UBP1: variants seen among roughly 807,000 people sequenced by gnomAD.
UBP1 encodes the protein upstream-binding protein 1.
Under a neutral mutation model 76.1 loss-of-function variants are expected in UBP1, and 22 were observed. The observed-to-expected ratio is 0.29, with a 90% CI of 0.21 to 0.41. The LOEUF (loss-of-function observed/expected upper bound fraction) is 0.41. Ranked by LOEUF, UBP1 falls within the 10% of genes least tolerant of loss-of-function variation. The probability of loss-of-function intolerance (pLI) is 1.00; values close to 1 mark genes in which losing one functional copy is unlikely to be tolerated. For synonymous variants in UBP1, 224 were observed against 237.1 expected (o/e 0.94, Z 0.51); for missense variants, 436 against 668.1 (o/e 0.65, Z 3.83).
chr3:33,421,461 G>T (rs1175438327), intron 2 of UBP1, among the ~76,000 whole-genome samples: 1 of 152,046 alleles, frequency 6.6e-6, no homozygotes, highest in Non-Finnish European at 1.5e-5. Flanking sequence ...CAGTAGAGAT[G>T]GTTTCACCAC....
chr3:33,416,653 A>G (rs1425259413), intron 3 of UBP1, 105 bp downstream of exon 3: 8 of 866,928 alleles, frequency 9.2e-6, no homozygotes, highest in Non-Finnish European at 1.4e-5. Context: ...ATAAAGTTAA[A>G]AAGTTGTAAT....
intron 8 of UBP1, among the ~76,000 whole-genome samples, chr3:33,407,742 C>T (rs577670277): frequency 6.6e-5 from 10 of 152,186 alleles, no homozygotes; most frequent in South Asian, 4.1e-4. Context: ...ACAGCAATTG[C>T]GATATGTGTA....
At chr3:33,390,574 G>A (rs1291554111) in intron 15 of UBP1, 4 of 603,644 alleles carry the variant, frequency 6.6e-6, no homozygotes, top group Admixed American at 3.0e-5. Flanking sequence ...GACATTCTGC[G>A]AAGCCTGGCC....
At chr3:33,411,519 T>G in intron 5 of UBP1, 62 bp downstream of exon 5, 2 of 1,410,564 alleles carry the variant, frequency 1.4e-6, no homozygotes, top group South Asian at 2.3e-5. Context: ...TATCAAAAAT[T>G]CAATCCTACC....
intron 1 of UBP1, among the ~76,000 whole-genome samples, chr3:33,427,906 T>A (rs1379142741): frequency 6.6e-6 from 1 of 152,130 alleles, no homozygotes; most frequent in Non-Finnish European, 1.5e-5. Flanking sequence ...TTCAGAAGAC[T>A]TCAGGCCAGG....
chr3:33,424,191 C>G lies in UBP1; in HGVS notation c.265+1399G>C, dbSNP rs1160551554. Among the ~76,000 whole-genome samples, 5 of 152,242 alleles carry G rather than the reference C, an allele frequency of 3.3e-5. No homozygotes were observed. The East Asian group carries it at 9.6e-4, about 29-fold the overall frequency. Reference sequence around the variant, plus strand: ...ACCAAATAAGTTATTAAGGTTCTTTCAAATATAAAACTTAACTCTCAAATA... The same window carrying G: ...ACCAAATAAGTTATTAAGGTTCTTTGAAATATAAAACTTAACTCTCAAATA... On this transcript the variant is annotated intron_variant, in intron 2 of 15. Coordinates refer to ENST00000283629, the MANE Select transcript of UBP1 (RefSeq NM_014517.5).
At chr3:33,436,397 A>G (rs1312810710) in intron 1 of UBP1, among the ~76,000 whole-genome samples, 1 of 152,234 alleles carries the variant, frequency 6.6e-6, no homozygotes, top group Non-Finnish European at 1.5e-5. Context: ...AGCTCAAAGC[A>G]GTTTTGATTT....
intron 15 of UBP1, chr3:33,390,635 G>T: frequency 1.9e-6 from 1 of 516,738 alleles, no homozygotes; most frequent in Non-Finnish European, 3.5e-6. Context: ...GGGGGTAGGG[G>T]GACATCTATC....
chr3:33,394,892 A>G (rs1422189641), intron 13 of UBP1, among the ~76,000 whole-genome samples: 1 of 140,112 alleles, frequency 7.1e-6, no homozygotes, highest in Non-Finnish European at 1.5e-5. Context: ...GTCTATGGCT[A>G]TTTTAGCACT....
At chr3:33,396,984 A>C in intron 12 of UBP1, 61 bp downstream of exon 12, 1 of 1,499,434 alleles carries the variant, frequency 6.7e-7, no homozygotes, top group Non-Finnish European at 9.2e-7. Flanking sequence ...ATTCTGCCCA[A>C]ATTCCCCACG....
chr3:33,438,391 T>A (rs2045234703), intron 1 of UBP1, among the ~76,000 whole-genome samples: 1 of 152,180 alleles, frequency 6.6e-6, no homozygotes, highest in Admixed American at 6.6e-5. Context: ...AGTAGAGAGC[T>A]AAGGAGCAGA....
Position 33,439,938 on chromosome 3 carries a change from G to T in UBP1, c.-90C>A. 1 of 1,438,946 alleles carries T rather than the reference G, an allele frequency of 6.9e-7. No homozygotes were observed. The highest frequency in any genetic ancestry group is 9.5e-7 in the Non-Finnish European group (1 of 1,049,618). The allele number at this position is 1,438,946 out of a possible 1,614,324, so 89.1% of individuals were successfully genotyped here. On this transcript the variant is annotated 5_prime_UTR_variant, in exon 1 of 16. Coordinates refer to ENST00000283629, the MANE Select transcript of UBP1 (RefSeq NM_014517.5). ...CCGCTGGCGCGTCCTGGGGGAGGGC[G>T]CGGGTGAAGCCTCCGGAGGGGCGGC...
rs538040407 is a variant in UBP1 at position 33,403,022 on chromosome 3, T to A, written c.928-118A>T. ...TATAAAATGCGAGACAGCTGACATTTATCAAGCAACCTCACAGACACATGT... is the reference window on the plus strand; with the variant it reads ...TATAAAATGCGAGACAGCTGACATTAATCAAGCAACCTCACAGACACATGT... On this transcript the variant is annotated intron_variant, in intron 8 of 15. Coordinates refer to ENST00000283629, the MANE Select transcript of UBP1 (RefSeq NM_014517.5). The A allele has an allele frequency of 1.7e-4, 153 of 908,650 alleles. 1 individual carries two copies. In the Middle Eastern group the frequency reaches 2.0e-3, roughly 12 times the overall value. 56.3% of individuals were successfully genotyped at this position (908,650 alleles called of 1,614,324 possible).
At chr3:33,394,431 CA>C (rs976335993) in intron 13 of UBP1, among the ~76,000 whole-genome samples, 61 of 151,958 alleles carry the variant, frequency 4.0e-4, no homozygotes, top group Admixed American at 6.6e-4. Context: ...CCCTCCCCCA[CA>C]AAAAATTTTA....
intron 8 of UBP1, among the ~76,000 whole-genome samples, chr3:33,404,033 CCAGGATAGCT>C (rs1310895155): frequency 6.6e-6 from 1 of 151,616 alleles, no homozygotes; most frequent in African/African-American, 2.4e-5. Flanking sequence ...CCAGGATAGC[CCAGGATAGCT>C]TGAGCCCAGG....
intron 1 of UBP1, among the ~76,000 whole-genome samples, chr3:33,430,636 TAGA>T (rs1305631611): frequency 6.6e-6 from 1 of 152,128 alleles, no homozygotes. Context: ...AAACTACATA[TAGA>T]AGAATTCTTG....
In UBP1 at chr3:33,411,621, A is replaced by T; in HGVS notation, c.515T>A (p.Phe172Tyr). Residue 172 changes from phenylalanine (F) to tyrosine (Y), a missense_variant, in exon 5 of 16, where the codon TTT (phenylalanine) becomes TAT (tyrosine). Around this residue, in one of 3 missense-constraint regions of UBP1, gnomAD observed 161 missense variants for 237.9 expected, o/e 0.68. Coordinates refer to ENST00000283629, the MANE Select transcript of UBP1 (RefSeq NM_014517.5). ...GGTGCGTTTTGCTGGGTCCCACAGA[A>T]ATTCAACCGCATTTAACTGGCTTGG... The part of the protein sequence containing the change: ...TNPSQLNAVE[F>Y]LWDPAKRTSA... 1 of 1,614,182 alleles carries T rather than the reference A, an allele frequency of 6.2e-7. No individual in the cohort carries two copies. Among genetic ancestry groups the T allele is most frequent in the South Asian group, 1.1e-5 (1 of 91,088 alleles).
rs1444258304 is a variant in UBP1 at position 33,439,904 on chromosome 3, G to C, written c.-56C>G. Reference sequence around the variant, plus strand: ...CGGCCTCCGCGTCCAGGGCGAAGGAGCCGGAGCTCCGCTGGCGCGTCCTGG... The same window carrying C: ...CGGCCTCCGCGTCCAGGGCGAAGGACCCGGAGCTCCGCTGGCGCGTCCTGG... On this transcript the variant is annotated 5_prime_UTR_variant, in exon 1 of 16. Coordinates refer to ENST00000283629, the MANE Select transcript of UBP1 (RefSeq NM_014517.5). 1.3e-6 allele frequency: 2 copies of C among 1,596,526 alleles called. No homozygotes were observed. The highest frequency in any genetic ancestry group is 8.5e-7 in the Non-Finnish European group (1 of 1,169,730).
chr3:33,409,315 T>A lies in UBP1; in HGVS notation c.740A>T (p.Asp247Val). Residue 247 changes from aspartate (D) to valine (V), a missense_variant, in exon 7 of 16, where the codon GAC becomes GTC. Asp to Val is a radical substitution (Grantham distance 152, BLOSUM62 -3). This residue lies in a region of UBP1 where 65 missense variants were observed against 157.4 expected (regional missense o/e 0.41). Transcript: ENST00000283629. ...PKGADRKQKT[D>V]REKMEKRTAH... ...TGTTCTCTTCTCCATCTTCTCTCGG[T>A]CAGTTTTTTGTTTCCTGTCTGCACC... The A allele has an allele frequency of 6.2e-7, 1 of 1,614,176 alleles. No homozygotes were observed. Among genetic ancestry groups the A allele is most frequent in the Non-Finnish European group, 8.5e-7 (1 of 1,180,024 alleles).
Sources: allele counts gnomAD v4.1 joint callset (sites outside exome capture counted in the v4.1 genomes callset), GRCh38; gene constraint gnomAD v4.1.1; regional missense constraint gnomAD v4.1.1; transcripts MANE v1.5; gene names NCBI Gene and HGNC (gene_info 2026-07-23, HGNC 2026-07-21).